SLC4A4: variants seen among roughly 807,000 people sequenced by gnomAD.
SLC4A4 encodes electrogenic sodium bicarbonate cotransporter 1.
Under a neutral mutation model 111.5 loss-of-function variants are expected in SLC4A4, and 27 were observed. That is an observed-to-expected ratio of 0.24 (90% CI 0.18 to 0.33). The LOEUF is 0.33. SLC4A4 is among the 10% of genes least tolerant of loss of function. The pLI, the probability that SLC4A4 is intolerant of heterozygous loss-of-function variation, is 1.00. For synonymous variants in SLC4A4, 443 were observed against 463.4 expected, an observed-to-expected ratio of 0.96 and a Z score of 0.57; for missense variants, 909 against 1,315.5, an observed-to-expected ratio of 0.69 and a Z score of 4.78.
chr4:71,297,568 T>G (rs1219726492), intron 3 of SLC4A4, among the ~76,000 whole-genome samples: 1 of 142,162 alleles, frequency 7.0e-6, no homozygotes, highest in African/African-American at 2.6e-5. Context: ...GCAAAAGAAA[T>G]GAATGTATTG....
chr4:71,404,727 C>T (rs1560477660), intron 7 of SLC4A4, among the ~76,000 whole-genome samples: 1 of 152,070 alleles, frequency 6.6e-6, no homozygotes, highest in Non-Finnish European at 1.5e-5. Flanking sequence ...ACAGCAATAC[C>T]TTGTGATGAA....
intron 3 of SLC4A4, among the ~76,000 whole-genome samples, chr4:71,326,114 A>C (rs184619807): frequency 6.6e-6 from 1 of 151,944 alleles, no homozygotes; most frequent in East Asian, 1.9e-4. Flanking sequence ...TTCTTCCCTT[A>C]TTCTTGATAT....
At chr4:71,097,036 T>C (rs1482961603) in intron 2 of SLC4A4, among the ~76,000 whole-genome samples, 2 of 152,170 alleles carry the variant, frequency 1.3e-5, no homozygotes, top group African/African-American at 4.8e-5. Context: ...GTTTGTTTGT[T>C]TTAGGTTTAG....
At chr4:71,507,762 C>T (rs1231915351) in intron 16 of SLC4A4, among the ~76,000 whole-genome samples, 2 of 152,182 alleles carry the variant, frequency 1.3e-5, no homozygotes, top group African/African-American at 4.8e-5. Context: ...ATCTACAGAA[C>T]TCTCTGCCCC....
intron 14 of SLC4A4, among the ~76,000 whole-genome samples, chr4:71,484,894 A>ATTTATTTATTCTTTTTGT (rs1729230942): frequency 6.6e-6 from 1 of 151,588 alleles, no homozygotes; most frequent in South Asian, 2.1e-4. Flanking sequence ...TGTATTCCCT[A>ATTTATTTATTCTTTTTGT]GGCATTTATT....
chr4:71,505,220 A>G (rs1731301011), intron 16 of SLC4A4, among the ~76,000 whole-genome samples: 1 of 152,144 alleles, frequency 6.6e-6, no homozygotes. Context: ...TAATTGAACA[A>G]TTTATATTCC....
intron 4 of SLC4A4, among the ~76,000 whole-genome samples, chr4:71,346,551 T>C (rs920910631): frequency 2.0e-5 from 3 of 152,078 alleles, no homozygotes; most frequent in Non-Finnish European, 4.4e-5. Context: ...CGTAATTGCA[T>C]GGTTCTAAAG....
intron 6 of SLC4A4, among the ~76,000 whole-genome samples, chr4:71,386,077 G>A (rs1718691729): frequency 6.6e-6 from 1 of 151,488 alleles, no homozygotes; most frequent in African/African-American, 2.4e-5. Flanking sequence ...TGATTTGGAA[G>A]CATATAGAAT....
chr4:71,131,166 T>C (rs1398404903), intron 2 of SLC4A4, among the ~76,000 whole-genome samples: 1 of 152,232 alleles, frequency 6.6e-6, no homozygotes, highest in Non-Finnish European at 1.5e-5. Flanking sequence ...GGGATCTGTC[T>C]GTCCATCTCA....
chr4:71,383,798 A>C (rs1008258986), intron 6 of SLC4A4, among the ~76,000 whole-genome samples: 13 of 152,154 alleles, frequency 8.5e-5, no homozygotes, highest in Non-Finnish European at 1.5e-4. Flanking sequence ...TATTAATAAC[A>C]TATTGGCATA....
At chr4:71,422,623 A>G (rs1383044908) in intron 7 of SLC4A4, among the ~76,000 whole-genome samples, 3 of 152,006 alleles carry the variant, frequency 2.0e-5, no homozygotes, top group East Asian at 1.9e-4. Context: ...GCAGCACATC[A>G]AAAAGCTTAT....
chr4:71,227,709 G>A (rs555911301), intron 1 of SLC4A4, among the ~76,000 whole-genome samples: 9 of 152,234 alleles, frequency 5.9e-5, no homozygotes, highest in Non-Finnish European at 1.3e-4. Context: ...AAACATGCCC[G>A]TCGCCATCCT....
intron 1 of SLC4A4, among the ~76,000 whole-genome samples, chr4:71,209,994 G>A (rs182543965): frequency 3.3e-4 from 51 of 152,272 alleles, no homozygotes; most frequent in Non-Finnish European, 5.9e-4. Context: ...TCCGGAGAAC[G>A]CTGTGACCAT....
chr4:71,394,672 A>C (rs554159776), intron 6 of SLC4A4, among the ~76,000 whole-genome samples: 1 of 152,096 alleles, frequency 6.6e-6, no homozygotes, highest in Non-Finnish European at 1.5e-5. Flanking sequence ...TGAGGAACCA[A>C]CTCGAATGCC....
chr4:71,523,551 G>A (rs112728864), intron 16 of SLC4A4, among the ~76,000 whole-genome samples: 28 of 152,208 alleles, frequency 1.8e-4, no homozygotes, highest in African/African-American at 6.7e-4. Flanking sequence ...AAAGCTTTTA[G>A]TGGTTGCAAA....
chr4:71,307,316 C>T (rs1321864745), intron 3 of SLC4A4, among the ~76,000 whole-genome samples: 1 of 152,142 alleles, frequency 6.6e-6, no homozygotes, highest in Non-Finnish European at 1.5e-5. Context: ...CCCCCTTCAC[C>T]CCATGCCTCA....
chr4:71,484,905 C>CT (rs945401979), intron 14 of SLC4A4, among the ~76,000 whole-genome samples: 3 of 151,490 alleles, frequency 2.0e-5, no homozygotes, highest in African/African-American at 7.3e-5. Context: ...GGCATTTATT[C>CT]TTTTTGTGGC....
At chr4:71,090,545 G>A (rs367565402) in intron 1 of SLC4A4, among the ~76,000 whole-genome samples, 1 of 152,234 alleles carries the variant, frequency 6.6e-6, no homozygotes, top group Non-Finnish European at 1.5e-5. Flanking sequence ...GATAAAGGGA[G>A]TGAGAGGCTA....
At chr4:71,093,531 T>C (rs1442222545) in intron 2 of SLC4A4, among the ~76,000 whole-genome samples, 1 of 152,236 alleles carries the variant, frequency 6.6e-6, no homozygotes, top group African/African-American at 2.4e-5. Context: ...TAGTTAGGGA[T>C]AGAAAAACCT....
Sources: allele counts gnomAD v4.1 joint callset (sites outside exome capture counted in the v4.1 genomes callset), GRCh38; gene constraint gnomAD v4.1.1; transcripts MANE v1.5; gene names NCBI Gene and HGNC (gene_info 2026-07-23, HGNC 2026-07-21).